Variants in SLC44A5 observed in about 807,000 individuals in gnomAD.
SLC44A5 encodes the protein choline transporter-like protein 5.
SLC44A5 carries 57 observed loss-of-function variants against 101.8 expected under a neutral mutation model. The ratio of observed to expected loss-of-function variants is 0.56; its 90% CI spans 0.45 to 0.70. The LOEUF (loss-of-function observed/expected upper bound fraction) is 0.70, where lower values mean the gene tolerates loss of function less well. Among genes scored for constraint, SLC44A5 ranks in the 30% least tolerant of loss-of-function variants. The pLI is 0.00. For missense variants in SLC44A5, 737 were observed against 853.1 expected, an observed-to-expected ratio of 0.86 and a Z score of 1.70; for synonymous variants, 281 against 290.9, an observed-to-expected ratio of 0.97 and a Z score of 0.35.
chr1:75,450,138 C>A (rs929887867), intron 2 of SLC44A5, among the ~76,000 whole-genome samples: 16 of 152,094 alleles, frequency 1.1e-4, no homozygotes, highest in African/African-American at 3.9e-4. Flanking sequence ...GCAAACTTCC[C>A]CCGTGACACC....
the SLC44A5 span, among the ~76,000 whole-genome samples, chr1:75,643,093 T>C: frequency 6.6e-6 from 1 of 152,130 alleles, no homozygotes; most frequent in African/African-American, 2.4e-5. Context: ...CCATTAACTG[T>C]TAAAAATTAT....
At chr1:75,396,401 G>C (rs1234316454) in intron 3 of SLC44A5, among the ~76,000 whole-genome samples, 182 bp downstream of exon 3, 1 of 152,066 alleles carries the variant, frequency 6.6e-6, no homozygotes, top group African/African-American at 2.4e-5. Flanking sequence ...CAAAAAGAGG[G>C]AACCCTTTCA....
chr1:75,272,942 T>C (rs1651611424), intron 6 of SLC44A5, among the ~76,000 whole-genome samples: 1 of 151,936 alleles, frequency 6.6e-6, no homozygotes, highest in Admixed American at 6.6e-5. Context: ...TGGATGAGAA[T>C]TGCACTGAAT....
intron 14 of SLC44A5, among the ~76,000 whole-genome samples, chr1:75,221,247 A>G (rs1026507552): frequency 7.2e-5 from 11 of 152,320 alleles, no homozygotes; most frequent in South Asian, 4.1e-4. Flanking sequence ...AAAGACTGTT[A>G]AAAATAATTT....
the SLC44A5 span, among the ~76,000 whole-genome samples, chr1:75,703,611 T>C: frequency 1.3e-5 from 2 of 151,534 alleles, no homozygotes; most frequent in African/African-American, 4.9e-5. Context: ...TGTATACATA[T>C]GCAACTAACC....
intron 4 of SLC44A5, among the ~76,000 whole-genome samples, chr1:75,336,863 G>A (rs1557676866): frequency 6.6e-6 from 1 of 152,150 alleles, no homozygotes; most frequent in African/African-American, 2.4e-5. Context: ...AGTATGAGGT[G>A]TATTCCATGA....
chr1:75,537,413 A>G (rs1053501691), intron 2 of SLC44A5, among the ~76,000 whole-genome samples: 17 of 152,120 alleles, frequency 1.1e-4, no homozygotes, highest in Admixed American at 4.6e-4. Context: ...CTCTCAAAGT[A>G]TTTTTGCTTA....
intron 2 of SLC44A5, among the ~76,000 whole-genome samples, chr1:75,533,401 G>C (rs561594299): frequency 6.6e-6 from 1 of 152,160 alleles, no homozygotes; most frequent in East Asian, 1.9e-4. Context: ...AATAAAAATA[G>C]CACTTTACAT....
At chr1:75,469,964 C>T (rs939294351) in intron 2 of SLC44A5, among the ~76,000 whole-genome samples, 1 of 145,746 alleles carries the variant, frequency 6.9e-6, no homozygotes, top group Non-Finnish European at 1.5e-5. Flanking sequence ...TAAAAAATTG[C>T]AGTTCAAAGG....
At chr1:75,559,267 A>G (rs1672387660) in intron 1 of SLC44A5, among the ~76,000 whole-genome samples, 1 of 152,054 alleles carries the variant, frequency 6.6e-6, no homozygotes, top group Non-Finnish European at 1.5e-5. Flanking sequence ...AGTAAAGGAA[A>G]AAGAAGCAGA....
At chr1:75,493,618 G>GA (rs34875099) in intron 2 of SLC44A5, among the ~76,000 whole-genome samples, 2 of 151,788 alleles carry the variant, frequency 1.3e-5, no homozygotes, top group African/African-American at 2.4e-5. Flanking sequence ...ATCCTGAGGG[G>GA]AAAAAAATAG....
the SLC44A5 span, chr1:75,710,111 G>A: frequency 6.6e-6 from 1 of 152,222 alleles, no homozygotes; most frequent in South Asian, 2.1e-4. Flanking sequence ...GGATAAAAAA[G>A]GGGCATGAGG....
chr1:75,621,773 A>C, the SLC44A5 span, among the ~76,000 whole-genome samples: 1 of 152,126 alleles, frequency 6.6e-6, no homozygotes, highest in Non-Finnish European at 1.5e-5. Context: ...ACCTCAGCTG[A>C]GGTTTTTAGG....
the SLC44A5 span, among the ~76,000 whole-genome samples, chr1:75,661,387 TA>T: frequency 6.8e-3 from 367 of 53,578 alleles, 6 homozygotes; most frequent in Middle Eastern, 0.026. Context: ...CTACTGCAAG[TA>T]AAAAAAAAAA....
At chr1:75,467,165 T>C (rs1036684570) in intron 2 of SLC44A5, among the ~76,000 whole-genome samples, 1 of 151,894 alleles carries the variant, frequency 6.6e-6, no homozygotes, top group Admixed American at 6.6e-5. Context: ...GAAACACTGA[T>C]GAAAGAAATT....
chr1:75,220,729 A>G (rs1647060203), intron 14 of SLC44A5, among the ~76,000 whole-genome samples: 1 of 152,102 alleles, frequency 6.6e-6, no homozygotes, highest in African/African-American at 2.4e-5. Flanking sequence ...ATTAAACACA[A>G]TACTGTTTCA....
At chr1:75,556,022 A>G (rs1332277300) in intron 1 of SLC44A5, among the ~76,000 whole-genome samples, 3 of 152,108 alleles carry the variant, frequency 2.0e-5, no homozygotes, top group Non-Finnish European at 2.9e-5. Flanking sequence ...ATAAAAACTA[A>G]TCTATAGTGA....
chr1:75,297,222 C>T (rs539890060), intron 5 of SLC44A5, among the ~76,000 whole-genome samples: 12 of 152,264 alleles, frequency 7.9e-5, no homozygotes, highest in African/African-American at 2.6e-4. Flanking sequence ...TAAGTAAATA[C>T]AGTAATGAAC....
At chr1:75,305,506 G>T (rs1175203108) in intron 4 of SLC44A5, among the ~76,000 whole-genome samples, 2 of 152,124 alleles carry the variant, frequency 1.3e-5, no homozygotes, top group East Asian at 3.9e-4. Flanking sequence ...CATGTTTAAG[G>T]ACCAAGATCA....
Sources: gnomAD v4.1 joint callset for allele counts (sites outside exome capture counted in the v4.1 genomes callset) on GRCh38, gnomAD v4.1.1 for gene constraint, MANE v1.5 for transcripts, NCBI Gene and HGNC (gene_info 2026-07-23, HGNC 2026-07-21) for gene names.